IGF1R: variants seen among roughly 807,000 people sequenced by gnomAD.
The protein encoded by IGF1R is insulin-like growth factor 1 receptor.
Under a neutral mutation model 144.6 loss-of-function variants are expected in IGF1R, and 44 were observed. The ratio of observed to expected loss-of-function variants is 0.30; its 90% CI spans 0.24 to 0.39. IGF1R has a LOEUF of 0.39. Ranked by LOEUF, IGF1R falls within the 10% of genes least tolerant of loss-of-function variation. The pLI is 1.00. For missense variants in IGF1R, 1,355 were observed against 1,833.7 expected (o/e 0.74, Z 4.77); for synonymous variants, 795 against 722.8 (o/e 1.10, Z -1.60).
intron 2 of IGF1R, among the ~76,000 whole-genome samples, chr15:98,715,612 C>T (rs893200066): frequency 1.3e-5 from 2 of 152,132 alleles, no homozygotes; most frequent in Admixed American, 6.5e-5. Flanking sequence ...CGTGTGGGCC[C>T]GTGGTTAATC....
chr15:98,866,366 T>C (rs1258105505), intron 2 of IGF1R, among the ~76,000 whole-genome samples: 1 of 152,202 alleles, frequency 6.6e-6, no homozygotes, highest in African/African-American at 2.4e-5. Context: ...TTCTCTTCGG[T>C]TTATTTTCTC....
intron 1 of IGF1R, among the ~76,000 whole-genome samples, chr15:98,699,589 G>A (rs1183562013): frequency 6.6e-6 from 1 of 152,166 alleles, no homozygotes; most frequent in African/African-American, 2.4e-5. Context: ...AGTCTGTTTG[G>A]CTACAGATGC....
At chr15:98,867,669 C>G (rs535325965) in intron 2 of IGF1R, among the ~76,000 whole-genome samples, 37 of 152,258 alleles carry the variant, frequency 2.4e-4, no homozygotes, top group African/African-American at 8.7e-4. Flanking sequence ...CTCACAATTG[C>G]CTGACATGCC....
intron 3 of IGF1R, among the ~76,000 whole-genome samples, chr15:98,893,032 A>G (rs2014005629): frequency 1.3e-5 from 2 of 152,222 alleles, no homozygotes; most frequent in Non-Finnish European, 2.9e-5. Context: ...AACTTTTAGG[A>G]AAGTTCTGTT....
At chr15:98,788,258 G>A (rs2056052795) in intron 2 of IGF1R, among the ~76,000 whole-genome samples, 1 of 152,178 alleles carries the variant, frequency 6.6e-6, no homozygotes, top group Non-Finnish European at 1.5e-5. Flanking sequence ...ACCAGCACGA[G>A]TGCTGTGGTT....
intron 2 of IGF1R, among the ~76,000 whole-genome samples, chr15:98,710,830 C>T (rs1356212815): frequency 1.3e-5 from 2 of 151,916 alleles, no homozygotes; most frequent in African/African-American, 4.8e-5. Flanking sequence ...CCATGCCCGT[C>T]TAATTTTTGT....
intron 20 of IGF1R, among the ~76,000 whole-genome samples, chr15:98,953,362 A>T (rs1213148225): frequency 6.6e-6 from 1 of 152,156 alleles, no homozygotes; most frequent in Non-Finnish European, 1.5e-5. Context: ...AGGTATCACA[A>T]CATCAGATTT....
At chr15:98,747,825 CTGAG>C (rs1384788708) in intron 2 of IGF1R, among the ~76,000 whole-genome samples, 1 of 152,138 alleles carries the variant, frequency 6.6e-6, no homozygotes, top group Non-Finnish European at 1.5e-5. Flanking sequence ...TTATAATGTA[CTGAG>C]TATCACTAAT....
At chr15:98,739,611 A>AG (rs1388280541) in intron 2 of IGF1R, among the ~76,000 whole-genome samples, 2 of 35,852 alleles carry the variant, frequency 5.6e-5, no homozygotes, top group Admixed American at 2.3e-4. Context: ...TTTGCTAAAA[A>AG]GAAAAAAAAA....
intron 1 of IGF1R, among the ~76,000 whole-genome samples, chr15:98,653,701 C>G (rs945908375): frequency 6.6e-6 from 1 of 152,158 alleles, no homozygotes; most frequent in African/African-American, 2.4e-5. Context: ...TAGGAAAAGA[C>G]CTAGAGAATA....
intron 1 of IGF1R, among the ~76,000 whole-genome samples, chr15:98,697,105 A>G (rs2053612816): frequency 6.6e-6 from 1 of 152,176 alleles, no homozygotes; most frequent in Non-Finnish European, 1.5e-5. Context: ...GGGAGTGATC[A>G]TTGAAGGGAA....
intron 2 of IGF1R, among the ~76,000 whole-genome samples, chr15:98,740,505 A>C (rs1365495891): frequency 2.0e-5 from 3 of 152,256 alleles, no homozygotes; most frequent in African/African-American, 7.2e-5. Context: ...TTGCTGCCAA[A>C]TCACAGTAAA....
chr15:98,935,031 A>C lies in IGF1R; in HGVS notation c.3164A>C (p.Lys1055Thr). ...TTTCTCAACGAAGCTTCTGTGATGA[A>C]GGAGTTCAATTGTCACCATGTGGTA... Reference protein sequence around the residue: ...IEFLNEASVMKEFNCHHVVRL... With the variant: ...IEFLNEASVMTEFNCHHVVRL... Residue 1055 changes from lysine to threonine, a missense_variant, in exon 16 of 21, where the codon AAG (lysine) becomes ACG (threonine). Around this residue, in one of 7 missense-constraint regions of IGF1R, gnomAD observed 10 missense variants for 40.7 expected, o/e 0.25. Coordinates refer to ENST00000650285, the MANE Select transcript of IGF1R (RefSeq NM_000875.5). The surrounding 1 kb of genome is among the most constrained non-coding windows in gnomAD (Gnocchi z 4.2). The C allele has an allele frequency of 6.2e-7, 1 of 1,614,036 alleles. No individual in the cohort carries two copies. The highest frequency in any genetic ancestry group is 8.5e-7 in the Non-Finnish European group (1 of 1,179,870).
At chr15:98,881,417 T>G (rs1304656817) in intron 2 of IGF1R, among the ~76,000 whole-genome samples, 19 of 152,106 alleles carry the variant, frequency 1.2e-4, no homozygotes, top group Admixed American at 1.2e-3. Flanking sequence ...GCCTCCCGGG[T>G]TCAAGCAATT....
chr15:98,697,556 G>A lies in IGF1R; in HGVS notation c.95-10006G>A, dbSNP rs146064590. The stretch of plus-strand genomic sequence containing the variant: ...TTTAAAGGCCTGGCCTGTGTGTGCT[G>A]TATCTGCAGCAGAGCTGTGGCCAAA... On this transcript the variant is annotated intron_variant, in intron 1 of 20. Coordinates refer to ENST00000650285, the MANE Select transcript of IGF1R (RefSeq NM_000875.5). Among the ~76,000 whole-genome samples, 1,088 of 151,904 alleles carry A rather than the reference G, an allele frequency of 7.2e-3. 7 individuals carry two copies. The highest frequency in any genetic ancestry group is 0.012 in the Non-Finnish European group (789 of 67,986).
intron 2 of IGF1R, among the ~76,000 whole-genome samples, chr15:98,862,404 C>A (rs866286258): frequency 6.6e-6 from 1 of 152,180 alleles, no homozygotes; most frequent in Non-Finnish European, 1.5e-5. Flanking sequence ...CGCTGGAAGA[C>A]AAATCTAAGC....
rs1473059779 is a variant in IGF1R at position 98,858,148 on chromosome 15, GGCTATTCAAAA to G, written c.641-33173_641-33163del. Among the ~76,000 whole-genome samples, 3 of 152,210 alleles carry G rather than the reference GGCTATTCAAAA, an allele frequency of 2.0e-5. No individual in the cohort carries two copies. The East Asian group carries it at 5.8e-4, about 29-fold the overall frequency. On this transcript the variant is annotated intron_variant, in intron 2 of 20. Coordinates refer to ENST00000650285, the MANE Select transcript of IGF1R (RefSeq NM_000875.5). Reference sequence around the variant, plus strand: ...GTCAATCAAGTGGCTATCAATTCATGGCTATTCAAAAGCTTTTGTGGCTATGAAAATAAACT... The same window carrying G: ...GTCAATCAAGTGGCTATCAATTCATGGCTTTTGTGGCTATGAAAATAAACT...
chr15:98,710,177 G>T (rs1297470575), intron 2 of IGF1R, among the ~76,000 whole-genome samples: 2 of 152,126 alleles, frequency 1.3e-5, no homozygotes, highest in Non-Finnish European at 2.9e-5. Context: ...ATCACCTGTT[G>T]GTTGGTCACC....
chr15:98,823,825 C>T (rs1019250567), intron 2 of IGF1R, among the ~76,000 whole-genome samples: 5 of 152,082 alleles, frequency 3.3e-5, no homozygotes, highest in Non-Finnish European at 7.4e-5. Flanking sequence ...ATATTTCTCA[C>T]CCTGGTTTAA....
Sources: gnomAD v4.1 joint callset for allele counts (sites outside exome capture counted in the v4.1 genomes callset) on GRCh38, gnomAD v4.1.1 for gene constraint, gnomAD v4.1.1 regional missense constraint, Gnocchi (gnomAD v3.1) non-coding constraint, MANE v1.5 for transcripts, NCBI Gene and HGNC (gene_info 2026-07-23, HGNC 2026-07-21) for gene names.